The following CSMD3 variants were observed in gnomAD, a reference collection of about 807,000 sequenced individuals.
CSMD3 encodes the protein CUB and Sushi multiple domains 3, also known as CUB and sushi domain-containing protein 3.
In CSMD3, 177 loss-of-function variants were observed where a neutral mutation model predicts 435.2. The ratio of observed to expected loss-of-function variants is 0.41; its 90% CI spans 0.36 to 0.46. The LOEUF is 0.46. CSMD3 is among the 20% of genes least tolerant of loss of function. The probability of loss-of-function intolerance (pLI) is 0.34; values close to 1 mark genes in which losing one functional copy is unlikely to be tolerated. For missense variants in CSMD3, 4,265 were observed against 4,504.6 expected, an observed-to-expected ratio of 0.95 and a Z score of 1.52; for synonymous variants, 1,656 against 1,520.5, an observed-to-expected ratio of 1.09 and a Z score of -2.07.
At chr8:112,741,323 A>G (rs1207285497) in intron 13 of CSMD3, among the ~76,000 whole-genome samples, 1 of 152,038 alleles carries the variant, frequency 6.6e-6, no homozygotes, top group African/African-American at 2.4e-5. Context: ...CAAAGAAGAC[A>G]TATTAGTGGC....
chr8:113,102,535 G>A (rs1410254350), intron 4 of CSMD3, among the ~76,000 whole-genome samples: 1 of 152,082 alleles, frequency 6.6e-6, no homozygotes, highest in Non-Finnish European at 1.5e-5. Context: ...TTTCTGTCAG[G>A]TCCTATGAAG....
intron 36 of CSMD3, 40 bp from the exon 37 acceptor site, chr8:112,383,703 A>G (rs759026199): frequency 5.0e-6 from 6 of 1,188,976 alleles, no homozygotes; most frequent in African/African-American, 4.5e-5. Context: ...CACATTTCTA[A>G]CCAGATACAC....
At chr8:113,046,808 G>C (rs1286469136) in intron 5 of CSMD3, among the ~76,000 whole-genome samples, 1 of 152,178 alleles carries the variant, frequency 6.6e-6, no homozygotes, top group Admixed American at 6.5e-5. Flanking sequence ...GAAGGACATG[G>C]AGACTTCTCC....
At chr8:113,257,645 T>C (rs1447989280) in intron 3 of CSMD3, among the ~76,000 whole-genome samples, 1 of 152,172 alleles carries the variant, frequency 6.6e-6, no homozygotes, top group Non-Finnish European at 1.5e-5. Context: ...TTTGAAATAT[T>C]TGCAAAACAT....
intron 9 of CSMD3, among the ~76,000 whole-genome samples, chr8:112,926,056 C>T (rs1279055698): frequency 6.6e-6 from 1 of 152,074 alleles, no homozygotes; most frequent in Non-Finnish European, 1.5e-5. Context: ...ATATTCTAGA[C>T]CAAAAATATA....
At chr8:112,418,849 G>A (rs938002353) in intron 32 of CSMD3, among the ~76,000 whole-genome samples, 7 of 152,048 alleles carry the variant, frequency 4.6e-5, no homozygotes, top group Non-Finnish European at 1.0e-4. Context: ...GACTTCACAA[G>A]TGGAAAATTT....
chr8:113,103,857 T>C (rs1012859720), intron 4 of CSMD3, among the ~76,000 whole-genome samples: 1 of 152,144 alleles, frequency 6.6e-6, no homozygotes, highest in Non-Finnish European at 1.5e-5. Context: ...TAGTTCACTA[T>C]GATTTCACAA....
At chr8:112,658,104 G>T (rs2075297841) in intron 17 of CSMD3, among the ~76,000 whole-genome samples, 1 of 152,108 alleles carries the variant, frequency 6.6e-6, no homozygotes, top group Non-Finnish European at 1.5e-5. Flanking sequence ...GGATGCTTTA[G>T]TATTAACCAT....
intron 1 of CSMD3, among the ~76,000 whole-genome samples, chr8:113,410,961 A>G (rs1419768391): frequency 8.5e-6 from 1 of 117,490 alleles, no homozygotes; most frequent in African/African-American, 3.3e-5. Flanking sequence ...AAGAGAAGGG[A>G]GGGAGGGAGG....
intron 5 of CSMD3, among the ~76,000 whole-genome samples, chr8:113,087,287 G>A (rs1275018755): frequency 6.6e-6 from 1 of 151,632 alleles, no homozygotes; most frequent in Non-Finnish European, 1.5e-5. Flanking sequence ...ATTGCCCAAG[G>A]TAATTTACAG....
intron 38 of CSMD3, among the ~76,000 whole-genome samples, chr8:112,364,229 T>C (rs1320725687): frequency 6.6e-6 from 1 of 151,976 alleles, no homozygotes; most frequent in African/African-American, 2.4e-5. Context: ...TTTTATGCTT[T>C]TTACAACTAC....
chr8:112,284,422 A>AT (rs924821608), intron 58 of CSMD3, among the ~76,000 whole-genome samples: 1 of 151,756 alleles, frequency 6.6e-6, no homozygotes, highest in African/African-American at 2.4e-5. Flanking sequence ...TCCTAGTATT[A>AT]TTTTTTTGTG....
chr8:112,958,690 A>G (rs1463588764), intron 7 of CSMD3, among the ~76,000 whole-genome samples: 3 of 152,230 alleles, frequency 2.0e-5, no homozygotes, highest in Non-Finnish European at 4.4e-5. Flanking sequence ...AATGCCTACT[A>G]TAAAAATTAA....
intron 4 of CSMD3, among the ~76,000 whole-genome samples, chr8:113,163,397 A>T (rs2092083150): frequency 6.6e-6 from 1 of 152,080 alleles, no homozygotes; most frequent in African/African-American, 2.4e-5. Flanking sequence ...ATGCAATCAT[A>T]TAACAACTTC....
At chr8:112,379,699 T>C (rs1829293218) in intron 38 of CSMD3, among the ~76,000 whole-genome samples, 1 of 152,054 alleles carries the variant, frequency 6.6e-6, no homozygotes, top group Non-Finnish European at 1.5e-5. Flanking sequence ...CCACAAAAGA[T>C]CTTGAATAGC....
intron 32 of CSMD3, among the ~76,000 whole-genome samples, chr8:112,426,521 G>T (rs1257134496): frequency 6.6e-6 from 1 of 152,006 alleles, no homozygotes; most frequent in Non-Finnish European, 1.5e-5. Context: ...TCTCCTAATT[G>T]TGATTTTTCT....
intron 31 of CSMD3, among the ~76,000 whole-genome samples, chr8:112,488,619 A>G (rs1192297951): frequency 6.6e-6 from 1 of 152,114 alleles, no homozygotes; most frequent in Non-Finnish European, 1.5e-5. Context: ...GTGGGATGGG[A>G]CCTCGGCTGA....
chr8:113,099,681 A>G (rs2090273848), intron 4 of CSMD3, among the ~76,000 whole-genome samples: 2 of 152,078 alleles, frequency 1.3e-5, no homozygotes, highest in Admixed American at 1.3e-4. Context: ...TGAGTTTCCA[A>G]ATTGGGGCCA....
At chr8:112,575,937 C>T (rs1180531065) in intron 23 of CSMD3, among the ~76,000 whole-genome samples, 1 of 151,976 alleles carries the variant, frequency 6.6e-6, no homozygotes, top group African/African-American at 2.4e-5. Flanking sequence ...CCACTAGATC[C>T]AGTGGATCTT....
Sources: allele counts gnomAD v4.1 joint callset (sites outside exome capture counted in the v4.1 genomes callset), GRCh38; gene constraint gnomAD v4.1.1; transcripts MANE v1.5; gene names NCBI Gene and HGNC (gene_info 2026-07-23, HGNC 2026-07-21).